GRAMD1A: variants seen among roughly 807,000 people sequenced by gnomAD.
The protein encoded by GRAMD1A is protein Aster-A.
GRAMD1A carries 50 observed loss-of-function variants against 92.0 expected under a neutral mutation model. The observed-to-expected ratio is 0.54, with a 90% CI of 0.43 to 0.69. The LOEUF is 0.69. Among genes scored for constraint, GRAMD1A ranks in the 30% least tolerant of loss-of-function variants. The probability of loss-of-function intolerance (pLI) is 0.00; values close to 1 mark genes in which losing one functional copy is unlikely to be tolerated. For missense variants in GRAMD1A, 819 were observed against 978.9 expected (o/e 0.84, Z 2.18); for synonymous variants, 405 against 403.6 (o/e 1.00, Z -0.04).
chr19:34,996,151 C>T (rs118155315), upstream of GRAMD1A: 52,837 of 1,536,000 alleles, frequency 0.034, 1,174 homozygotes, highest in Non-Finnish European at 0.042. Flanking sequence ...AGGGCCTGGC[C>T]TCTGAGTCCT....
chr19:35,026,148 C>T lies in GRAMD1A; in HGVS notation c.*7C>T, dbSNP rs185200136. Reference sequence around the variant, plus strand: ...CGATGACAGCTTTTCCTGAGGACCCCGGCCACGCAGCTGTTCCCCCACATG... The same window carrying T: ...CGATGACAGCTTTTCCTGAGGACCCTGGCCACGCAGCTGTTCCCCCACATG... On this transcript the variant is annotated 3_prime_UTR_variant, in exon 20 of 20. Coordinates refer to ENST00000317991, the MANE Select transcript of GRAMD1A (RefSeq NM_020895.5). 4.2e-5 allele frequency: 60 copies of T among 1,444,678 alleles called. No homozygotes were observed. In the East Asian group the frequency reaches 9.5e-4, roughly 23 times the overall value. 89.5% of individuals were successfully genotyped at this position (1,444,678 alleles called of 1,614,324 possible).
upstream of GRAMD1A, among the ~76,000 whole-genome samples, chr19:34,995,553 C>T (rs57169518): frequency 9.2e-5 from 13 of 141,042 alleles, no homozygotes; most frequent in East Asian, 2.6e-3. Flanking sequence ...CCAGATCTCT[C>T]TGACTCTCAG....
upstream of GRAMD1A, among the ~76,000 whole-genome samples, chr19:34,995,571 G>C (rs12610307): frequency 3.4e-4 from 32 of 93,692 alleles, 1 homozygote; most frequent in Non-Finnish European, 4.2e-4. Context: ...CAGATCACGG[G>C]TTTTTTTTTT....
At position 35,011,051 on chromosome 19, in the gene GRAMD1A, G is replaced by A. The variant is rs575091349; in HGVS notation, c.526-423G>A. ...CAGGAGGTTGAGGCTGCAGTGAGCCGTGATCATGCCACTGCACTCCAGCCT... is the reference window on the plus strand; with the variant it reads ...CAGGAGGTTGAGGCTGCAGTGAGCCATGATCATGCCACTGCACTCCAGCCT... On this transcript the variant is annotated intron_variant, in intron 6 of 19. Transcript: ENST00000317991. Among the ~76,000 whole-genome samples, 13 of 146,706 alleles carry A rather than the reference G, an allele frequency of 8.9e-5. No individual in the cohort carries two copies. The South Asian group carries it at 1.5e-3, about 17-fold the overall frequency.
intron 6 of GRAMD1A, among the ~76,000 whole-genome samples, chr19:35,011,240 C>A (rs1223145155): frequency 6.6e-6 from 1 of 152,220 alleles, no homozygotes; most frequent in African/African-American, 2.4e-5. Context: ...CCTCCTTGGA[C>A]TGGGAGCTCC....
At chr19:35,017,488 G>T (rs889817837) in intron 11 of GRAMD1A, among the ~76,000 whole-genome samples, 1 of 152,080 alleles carries the variant, frequency 6.6e-6, no homozygotes, top group African/African-American at 2.4e-5. Flanking sequence ...CATCTGACAC[G>T]CTCCTCCCCT....
chr19:34,996,994 A>AT (rs1385071698), upstream of GRAMD1A, among the ~76,000 whole-genome samples: 5 of 151,400 alleles, frequency 3.3e-5, no homozygotes, highest in African/African-American at 1.2e-4. Flanking sequence ...GTGCAGTGGC[A>AT]TGATCTTGGC....
chr19:35,018,761 G>C lies in GRAMD1A; in HGVS notation c.1214-430G>C, dbSNP rs1173415989. On this transcript the variant is annotated intron_variant, in intron 11 of 19. Coordinates refer to ENST00000317991, the MANE Select transcript of GRAMD1A (RefSeq NM_020895.5). ...AACACACAGTGTAGGTAACCATCTA[G>C]GGGTTTGAGTAGGGGGTGTCCAGGG... Among the ~76,000 whole-genome samples, 5 of 152,162 alleles carry C rather than the reference G, an allele frequency of 3.3e-5. No individual in the cohort carries two copies. In the East Asian group the frequency reaches 9.6e-4, roughly 29 times the overall value.
intron 10 of GRAMD1A, chr19:35,014,841 G>C (rs140465938): frequency 3.0e-4 from 52 of 173,776 alleles, no homozygotes; most frequent in African/African-American, 1.2e-3. Flanking sequence ...AGCCTGGGCA[G>C]CAAAGCAAGA....
chr19:35,026,361 G>A lies in GRAMD1A; in HGVS notation c.*220G>A, dbSNP rs112390034. The A allele has an allele frequency of 8.8e-3, 5,143 of 583,292 alleles. 201 individuals carry two copies. The highest frequency in any genetic ancestry group is 0.085 in the African/African-American group (4,565 of 53,712). The allele number at this position is 583,292 out of a possible 1,614,324, so 36.1% of individuals were successfully genotyped here. A position where few individuals can be genotyped will look rare whatever the true frequency, so the allele number is the denominator to read the frequency against. On this transcript the variant is annotated 3_prime_UTR_variant, in exon 20 of 20. Transcript: ENST00000317991. ...GGCCCCCCACTAACTTATTTTGCCC[G>A]GCTGAGGTTGTGGGGGGCGCCTCCT...
In GRAMD1A at chr19:35,010,109, C is replaced by T; in HGVS notation, c.343C>T (p.Gln115Ter). Residue 115 changes from glutamine to a stop codon, truncating the protein, a stop_gained, in exon 5 of 20, where the codon CAG becomes TAG. Transcript: ENST00000317991. LOFTEE classifies it high-confidence loss of function. ...CCTCTCAGATTACTCCTGCGCCCTG[C>T]AGCGTGAGATCCTGCTCCAGGGCCG... is the stretch of plus-strand genomic sequence containing the variant. ...RLIVDYSCAL[Q>*]REILLQGRLY... The T allele has an allele frequency of 6.2e-7, 1 of 1,608,862 alleles. No individual in the cohort carries two copies. The highest frequency in any genetic ancestry group is 8.5e-7 in the Non-Finnish European group (1 of 1,175,184).
At chr19:34,997,103 G>A (rs143183872), upstream of GRAMD1A, among the ~76,000 whole-genome samples, 660 of 151,900 alleles carry the variant, frequency 4.3e-3, 2 homozygotes, top group Non-Finnish European at 5.4e-3. Context: ...TAGTAGAGAC[G>A]AGGTCTGACC....
intron 6 of GRAMD1A, 61 bp from the exon 7 acceptor site, chr19:35,011,413 C>G: frequency 7.9e-7 from 1 of 1,263,918 alleles, no homozygotes; most frequent in Non-Finnish European, 1.1e-6. Context: ...GGCGCTTCCC[C>G]ACCTCTGTCC....
chr19:35,011,629 C>A lies in GRAMD1A; in HGVS notation c.606+75C>A. 5 of 1,087,712 alleles carry A rather than the reference C, an allele frequency of 4.6e-6. No homozygotes were observed. The Admixed American group carries it at 9.1e-5, about 20-fold the overall frequency. 67.4% of individuals were successfully genotyped at this position (1,087,712 alleles called of 1,614,324 possible). The stretch of plus-strand genomic sequence containing the variant: ...ATGGAGCCAGGGACCCCAGAACTTG[C>A]GGAGCTGGAGGCAGCCCTGGCTCTT... On this transcript the variant is annotated intron_variant, in intron 7 of 19. Coordinates refer to ENST00000317991, the MANE Select transcript of GRAMD1A (RefSeq NM_020895.5).
At position 35,019,260 on chromosome 19, in the gene GRAMD1A, C is replaced by T. The variant is rs1402616413; in HGVS notation, c.1283C>T (p.Pro428Leu). Reference sequence around the variant, plus strand: ...CGCCGGGTGCTGACGTACACCATCCCCATCAGCAACCCACTGGGCCCCAAG... The same window carrying T: ...CGCCGGGTGCTGACGTACACCATCCTCATCAGCAACCCACTGGGCCCCAAG... The part of the protein sequence containing the change: ...HQRRVLTYTI[P>L]ISNPLGPKSA... The change falls in exon 12 of 20, where the codon CCC becomes CTC. Residue 428 changes from proline (P) to leucine (L), a missense_variant. Physicochemically the swap from Pro to Leu is moderately conservative, Grantham distance 98 (BLOSUM62 -3). This residue lies in a region of GRAMD1A where 577 missense variants were observed against 674.6 expected (regional missense o/e 0.86). Coordinates refer to ENST00000317991, the MANE Select transcript of GRAMD1A (RefSeq NM_020895.5). 6.2e-7 allele frequency: 1 copy of T among 1,613,530 alleles called. No individual in the cohort carries two copies. The highest frequency in any genetic ancestry group is 1.3e-5 in the African/African-American group (1 of 74,912).
chr19:35,000,060 GA>G, upstream of GRAMD1A: 1 of 986,756 alleles, frequency 1.0e-6, no homozygotes, highest in Non-Finnish European at 1.2e-6. The surrounding 1 kb of genome is among the most constrained non-coding windows in gnomAD (Gnocchi z 4.9). Context: ...GGTACTAGGG[GA>G]GGGGGCTCCC....
chr19:35,013,840 G>C lies in GRAMD1A; in HGVS notation c.870+149G>C, dbSNP rs2015428700. On this transcript the variant is annotated intron_variant, in intron 9 of 19. Coordinates refer to ENST00000317991, the MANE Select transcript of GRAMD1A (RefSeq NM_020895.5). This position sits in a 1 kb window ranked among gnomAD's most constrained non-coding sequence, Gnocchi z 4.9. ...TGGATGGAGGAACAGGACAGGGAGG[G>C]GAAGACGGACATGTGACAGGGAAAG... The C allele has an allele frequency of 1.3e-6, 1 of 765,406 alleles. No individual in the cohort carries two copies. The allele number at this position is 765,406 out of a possible 1,614,324, so 47.4% of individuals were successfully genotyped here. A position where few individuals can be genotyped will look rare whatever the true frequency, so the allele number is the denominator to read the frequency against.
chr19:35,005,470 G>GCCACCCTCTCC (rs2014741545), intron 1 of GRAMD1A, among the ~76,000 whole-genome samples: 1 of 151,952 alleles, frequency 6.6e-6, no homozygotes, highest in South Asian at 2.1e-4. Flanking sequence ...GAGAGGGAGT[G>GCCACCCTCTCC]CAGGGCTGAT....
At position 35,021,482 on chromosome 19, in the gene GRAMD1A, C is replaced by G. The variant is rs754425506; in HGVS notation, c.1476-20C>G. 2.4e-5 allele frequency: 38 copies of G among 1,586,334 alleles called. No individual in the cohort carries two copies. The highest frequency in any genetic ancestry group is 5.0e-5 in the Admixed American group (3 of 59,988). ...CTGGAGTCAGACCCTTACCTCCTTC[C>G]CCTGATCTCCCAACCCCAGAGTGTC... On this transcript the variant is annotated intron_variant, in intron 13 of 19. Coordinates refer to ENST00000317991, the MANE Select transcript of GRAMD1A (RefSeq NM_020895.5). This position sits in a 1 kb window ranked among gnomAD's most constrained non-coding sequence, Gnocchi z 5.3.
Sources: allele counts gnomAD v4.1 joint callset (sites outside exome capture counted in the v4.1 genomes callset), GRCh38; gene constraint gnomAD v4.1.1; regional missense constraint gnomAD v4.1.1; non-coding constraint Gnocchi (gnomAD v3.1); transcripts MANE v1.5; gene names NCBI Gene and HGNC (gene_info 2026-07-23, HGNC 2026-07-21).